VWA3B: variants seen among roughly 807,000 people sequenced by gnomAD.
VWA3B encodes the protein von Willebrand factor A domain-containing protein 3B.
In VWA3B, 138 loss-of-function variants were observed where a neutral mutation model predicts 158.3. The ratio of observed to expected loss-of-function variants is 0.87; its 90% CI spans 0.76 to 1.00. The LOEUF is 1.00. Ranked by LOEUF, VWA3B falls within the 50% of genes least tolerant of loss-of-function variation. The pLI, the probability that VWA3B is intolerant of heterozygous loss-of-function variation, is 0.00. For missense variants in VWA3B, 1,555 were observed against 1,565.1 expected (o/e 0.99, Z 0.11); for synonymous variants, 596 against 587.3 (o/e 1.01, Z -0.21).
chr2:98,128,383 G>A lies in VWA3B; in HGVS notation c.847G>A (p.Asp283Asn). The change falls in exon 6 of 28, where the codon GAT becomes AAT. Residue 283 changes from aspartate to asparagine, a missense_variant. Coordinates refer to ENST00000477737, the MANE Select transcript of VWA3B (RefSeq NM_144992.5). ...AGAAGGCACTATAGCTTTTCTAAAG[G>A]ATCTGAGTGCCAAGACCCACAGCAG... ...RGEGTIAFLK[D>N]LSAKTHSRFH... The A allele has an allele frequency of 6.2e-7, 1 of 1,613,730 alleles. No individual in the cohort carries two copies. The highest frequency in any genetic ancestry group is 8.5e-7 in the Non-Finnish European group (1 of 1,179,874).
At chr2:98,299,174 G>C (rs1408361491) in intron 24 of VWA3B, among the ~76,000 whole-genome samples, 1 of 152,176 alleles carries the variant, frequency 6.6e-6, no homozygotes, top group East Asian at 1.9e-4. Flanking sequence ...ATTGGCCCCA[G>C]ATTCCCTGCC....
intron 2 of VWA3B, among the ~76,000 whole-genome samples, chr2:98,109,287 T>C (rs555674784): frequency 6.6e-6 from 1 of 152,264 alleles, no homozygotes; most frequent in African/African-American, 2.4e-5. Context: ...CCACCGCGCC[T>C]GGCTATAATG....
rs774459080 is a variant in VWA3B at position 98,188,043 on chromosome 2, G to C, written c.1380G>C (p.Gly460=). Residue 460 remains glycine, a synonymous_variant, in exon 10 of 28, where the codon GGG becomes GGC. Coordinates refer to ENST00000477737, the MANE Select transcript of VWA3B (RefSeq NM_144992.5). ...TTGTCCATGCTCCCTGGAAGGATGG[G>C]AGCTTGGTCCACGTCAACATTACCA... ...SRFVHAPWKD[G]SLVHVNITKE... is the part of the protein sequence containing the mutation. 43 of 1,613,924 alleles carry C rather than the reference G, an allele frequency of 2.7e-5. No homozygotes were observed. The Admixed American group carries it at 6.8e-4, about 26-fold the overall frequency.
chr2:98,140,601 C>G (rs1676704084), intron 7 of VWA3B, among the ~76,000 whole-genome samples: 1 of 152,178 alleles, frequency 6.6e-6, no homozygotes, highest in Admixed American at 6.5e-5. Flanking sequence ...CTCTTTCTCT[C>G]TTTATGATGG....
chr2:98,105,838 G>A (rs1459579114), intron 2 of VWA3B, among the ~76,000 whole-genome samples: 4 of 151,864 alleles, frequency 2.6e-5, no homozygotes, highest in African/African-American at 9.7e-5. Flanking sequence ...ACTTTGAATT[G>A]CTTTTGGATT....
chr2:98,204,634 G>C (rs1036358648), intron 12 of VWA3B, among the ~76,000 whole-genome samples: 3 of 152,138 alleles, frequency 2.0e-5, no homozygotes, highest in Admixed American at 2.0e-4. Context: ...GAGAACTTTT[G>C]TGTCCAGGTT....
chr2:98,187,178 C>T (rs985813882), intron 9 of VWA3B, among the ~76,000 whole-genome samples: 4 of 152,134 alleles, frequency 2.6e-5, no homozygotes, highest in Non-Finnish European at 5.9e-5. Context: ...CCGGTCTCTC[C>T]CCTCTTTCTC....
chr2:98,269,009 C>A (rs1397915202), intron 21 of VWA3B, among the ~76,000 whole-genome samples: 5 of 152,064 alleles, frequency 3.3e-5, no homozygotes, highest in Non-Finnish European at 1.5e-5. Flanking sequence ...AGAAGGGGGG[C>A]AAATGACCAG....
chr2:98,319,977 G>A, the VWA3B span, among the ~76,000 whole-genome samples: 4 of 151,974 alleles, frequency 2.6e-5, no homozygotes, highest in African/African-American at 9.7e-5. Context: ...AAGTAATCAT[G>A]CAAATACTTT....
At chr2:98,245,675 A>G (rs996210992) in intron 19 of VWA3B, 2 of 451,794 alleles carry the variant, frequency 4.4e-6, no homozygotes, top group Non-Finnish European at 8.9e-6. Flanking sequence ...ATGAAATGTT[A>G]TAATGTTGCT....
chr2:98,282,510 TC>T (rs1688942254), intron 22 of VWA3B, among the ~76,000 whole-genome samples: 1 of 148,488 alleles, frequency 6.7e-6, no homozygotes, highest in African/African-American at 2.5e-5. Flanking sequence ...TGATCTCGGC[TC>T]ACTGCAACTT....
intron 12 of VWA3B, among the ~76,000 whole-genome samples, chr2:98,200,196 T>C (rs1682411606): frequency 6.6e-6 from 1 of 152,074 alleles, no homozygotes; most frequent in Non-Finnish European, 1.5e-5. Context: ...TTTAATTGAG[T>C]TGTTTGTTTT....
intron 5 of VWA3B, among the ~76,000 whole-genome samples, chr2:98,126,055 T>G (rs1675326660): frequency 6.6e-6 from 1 of 152,190 alleles, no homozygotes; most frequent in African/African-American, 2.4e-5. Context: ...GTGGTCTCAA[T>G]GTAAAGCATG....
rs1036319725 is a variant in VWA3B at position 98,302,216 on chromosome 2, C to A, written c.3421-1486C>A. On this transcript the variant is annotated intron_variant, in intron 25 of 27. Transcript: ENST00000477737. Reference sequence around the variant, plus strand: ...GACTGCCCTCCCCATCTCCTCTCCCCCAAACTCCCGTCACCCTAAAGACTC... The same window carrying A: ...GACTGCCCTCCCCATCTCCTCTCCCACAAACTCCCGTCACCCTAAAGACTC... 3.3e-5 allele frequency among the ~76,000 whole-genome samples: 5 copies of A among 152,264 alleles called. No individual in the cohort carries two copies. In the East Asian group the frequency reaches 5.8e-4, roughly 18 times the overall value.
Position 98,290,626 on chromosome 2 carries a change from G to T in VWA3B, c.3157+4G>T. Reference sequence around the variant, plus strand: ...GAAAATGGCTTTTATTTTCCAGGTAGTTTTTTTTTTTTTAATTTCGTGAGG... The same window carrying T: ...GAAAATGGCTTTTATTTTCCAGGTATTTTTTTTTTTTTTAATTTCGTGAGG... On this transcript the variant is annotated splice_donor_region_variant and intron_variant, in intron 23 of 27. Transcript: ENST00000477737. The T allele has an allele frequency of 7.5e-7, 1 of 1,339,096 alleles. No homozygotes were observed. Among genetic ancestry groups the T allele is most frequent in the Non-Finnish European group, 1.0e-6 (1 of 976,564 alleles). The allele number at this position is 1,339,096 out of a possible 1,614,324, so 83.0% of individuals were successfully genotyped here. A position where few individuals can be genotyped will look rare whatever the true frequency, so the allele number is the denominator to read the frequency against.
At chr2:98,141,833 G>C (rs1322788070) in intron 7 of VWA3B, among the ~76,000 whole-genome samples, 1 of 152,116 alleles carries the variant, frequency 6.6e-6, no homozygotes, top group African/African-American at 2.4e-5. Flanking sequence ...CTGCCCACCA[G>C]TTAGTCATGG....
At chr2:98,107,888 T>C (rs1673801960) in intron 2 of VWA3B, among the ~76,000 whole-genome samples, 1 of 151,936 alleles carries the variant, frequency 6.6e-6, no homozygotes, top group Non-Finnish European at 1.5e-5. Flanking sequence ...CTTTATTATT[T>C]ATTTCCTTCT....
intron 2 of VWA3B, among the ~76,000 whole-genome samples, chr2:98,101,986 A>G (rs1683108940): frequency 6.6e-6 from 1 of 152,120 alleles, no homozygotes; most frequent in Non-Finnish European, 1.5e-5. Context: ...ACGTGAACAA[A>G]GGTCTCTGGT....
chr2:98,150,041 T>C (rs1180722614), intron 7 of VWA3B, among the ~76,000 whole-genome samples: 2 of 152,248 alleles, frequency 1.3e-5, no homozygotes, highest in Admixed American at 6.5e-5. Flanking sequence ...TAGTTATATA[T>C]GAATTATTAT....
Sources: gnomAD v4.1 joint callset for allele counts (sites outside exome capture counted in the v4.1 genomes callset) on GRCh38, gnomAD v4.1.1 for gene constraint, MANE v1.5 for transcripts, NCBI Gene and HGNC (gene_info 2026-07-23, HGNC 2026-07-21) for gene names.